The following SMARCA4 variants were observed in gnomAD, a reference collection of about 807,000 sequenced individuals.
SMARCA4 encodes the protein SWI/SNF-related matrix-associated actin-dependent regulator of chromatin subfamily A member 4.
In SMARCA4, 31 loss-of-function variants were observed where a neutral mutation model predicts 193.9. That is an observed-to-expected ratio of 0.16 (90% CI 0.12 to 0.22). The LOEUF (loss-of-function observed/expected upper bound fraction) is 0.22, where lower values mean the gene tolerates loss of function less well. Ranked by LOEUF, SMARCA4 falls within the 10% of genes least tolerant of loss-of-function variation. SMARCA4 has a pLI of 1.00. For synonymous variants in SMARCA4, 942 were observed against 933.1 expected, an observed-to-expected ratio of 1.01 and a Z score of -0.17; for missense variants, 1,148 against 2,296.0, an observed-to-expected ratio of 0.50 and a Z score of 10.22.
chr19:11,033,084 C>A lies in SMARCA4; in HGVS notation c.3547-206C>A, dbSNP rs753591520. ...GTAGAAGGTGGCACTTCTGGAGGAA[C>A]GTGATGAGAGTCCCCTTCCCCCGAG... is the stretch of plus-strand genomic sequence containing the variant. On this transcript the variant is annotated intron_variant, in intron 25 of 34. Coordinates refer to ENST00000344626, the MANE Select transcript of SMARCA4 (RefSeq NM_003072.5). The surrounding 1 kb of genome is among the most constrained non-coding windows in gnomAD (Gnocchi z 9.8). The A allele has an allele frequency of 4.6e-6, 3 of 646,678 alleles. No individual in the cohort carries two copies. Among genetic ancestry groups the A allele is most frequent in the African/African-American group, 1.8e-5 (1 of 56,088 alleles). The allele number at this position is 646,678 out of a possible 1,614,324, so 40.1% of individuals were successfully genotyped here.
intron 23 of SMARCA4, among the ~76,000 whole-genome samples, chr19:11,027,119 A>C (rs940076715): frequency 6.6e-6 from 1 of 152,218 alleles, no homozygotes; most frequent in Non-Finnish European, 1.5e-5. Context: ...TAAAGCCTCC[A>C]TTCAATTCCC....
intron 11 of SMARCA4, among the ~76,000 whole-genome samples, chr19:10,998,230 T>G (rs1424942843): frequency 6.6e-6 from 1 of 152,192 alleles, no homozygotes; most frequent in African/African-American, 2.4e-5. Flanking sequence ...TTGGTTTGTC[T>G]GATGTTCCTT....
In SMARCA4 at chr19:10,984,515, C is replaced by T; in HGVS notation, c.222+142C>T. On this transcript the variant is annotated intron_variant, in intron 2 of 34. Coordinates refer to ENST00000344626, the MANE Select transcript of SMARCA4 (RefSeq NM_003072.5). This position sits in a 1 kb window ranked among gnomAD's most constrained non-coding sequence, Gnocchi z 4.3. ...CCTGCCTTGGCTCAGCCCCCTACCC[C>T]AGGGCCCACGGCCATGAACAGAAGG... The T allele has an allele frequency of 2.1e-6, 3 of 1,427,860 alleles. No individual in the cohort carries two copies. Among genetic ancestry groups the T allele is most frequent in the Non-Finnish European group, 2.9e-6 (3 of 1,047,030 alleles). The allele number at this position is 1,427,860 out of a possible 1,614,324, so 88.4% of individuals were successfully genotyped here.
Position 10,984,363 on chromosome 19 carries a change from A to G in SMARCA4, c.212A>G (p.Gln71Arg), listed in dbSNP as rs2145726840. Residue 71 changes from glutamine (Q) to arginine (R), a missense_variant, in exon 2 of 35, where the codon CAG becomes CGG. By Grantham distance (43) the Gln-to-Arg change is conservative. Around this residue, in one of 17 missense-constraint regions of SMARCA4, gnomAD observed 201 missense variants for 248.3 expected, o/e 0.81. Transcript: ENST00000344626. The surrounding 1 kb of genome is among the most constrained non-coding windows in gnomAD (Gnocchi z 4.3). ...GGGTACCCTCAGGACAACATGCACCAGATGCACAAGGTAGGGATCCCTGTG... is the reference window on the plus strand; with the variant it reads ...GGGTACCCTCAGGACAACATGCACCGGATGCACAAGGTAGGGATCCCTGTG... The part of the protein sequence containing the change: ...PGGYPQDNMH[Q>R]MHKPMESMHE... The G allele has an allele frequency of 6.3e-7, 1 of 1,587,824 alleles. No homozygotes were observed. The highest frequency in any genetic ancestry group is 2.3e-5 in the East Asian group (1 of 43,196).
chr19:11,042,815 CAT>C, intron 30 of SMARCA4, among the ~76,000 whole-genome samples: 1 of 151,744 alleles, frequency 6.6e-6, no homozygotes, highest in African/African-American at 2.4e-5. Context: ...GGTGAAAACC[CAT>C]CTTTACTGAA....
chr19:10,971,979 G>A (rs1444013085), intron 1 of SMARCA4, among the ~76,000 whole-genome samples: 1 of 144,604 alleles, frequency 6.9e-6, no homozygotes, highest in Non-Finnish European at 1.5e-5. Flanking sequence ...TTTTTGAGAC[G>A]GAGTCTCGCT....
chr19:10,984,464 G>C lies in SMARCA4; in HGVS notation c.222+91G>C, dbSNP rs1328845236. 36 of 1,546,932 alleles carry C rather than the reference G, an allele frequency of 2.3e-5. No homozygotes were observed. The highest frequency in any genetic ancestry group is 3.1e-5 in the Non-Finnish European group (36 of 1,145,900). ...GACCGAGGGCCTTACTTGGAGGATGGGGGGAAGCCTTCTTGTTGGAGGTGT... is the reference window on the plus strand; with the variant it reads ...GACCGAGGGCCTTACTTGGAGGATGCGGGGAAGCCTTCTTGTTGGAGGTGT... On this transcript the variant is annotated intron_variant, in intron 2 of 34. Coordinates refer to ENST00000344626, the MANE Select transcript of SMARCA4 (RefSeq NM_003072.5). This position sits in a 1 kb window ranked among gnomAD's most constrained non-coding sequence, Gnocchi z 4.3.
chr19:11,002,116 T>G (rs1472065042), intron 11 of SMARCA4, among the ~76,000 whole-genome samples: 1 of 152,140 alleles, frequency 6.6e-6, no homozygotes, highest in African/African-American at 2.4e-5. Flanking sequence ...TCTGGAAGGA[T>G]GGACAGGAAA....
At position 10,989,706 on chromosome 19, in the gene SMARCA4, T is replaced by C. The variant is rs369068983; in HGVS notation, c.1245+263T>C. Reference sequence around the variant, plus strand: ...GCTTCTTTCTTCCTTTCCCTTTCCCTTTTTTTTTTTTTTTGGAAACAGTCT... The same window carrying C: ...GCTTCTTTCTTCCTTTCCCTTTCCCCTTTTTTTTTTTTTTGGAAACAGTCT... On this transcript the variant is annotated intron_variant, in intron 7 of 34. Coordinates refer to ENST00000344626, the MANE Select transcript of SMARCA4 (RefSeq NM_003072.5). Among the ~76,000 whole-genome samples, 330 of 60,890 alleles carry C rather than the reference T, an allele frequency of 5.4e-3. 3 individuals are homozygous for C. Among genetic ancestry groups the C allele is most frequent in the South Asian group, 0.046 (69 of 1,484 alleles). The allele number at this position is 60,890 out of a possible 152,430, so 39.9% of individuals were successfully genotyped here. A position where few individuals can be genotyped will look rare whatever the true frequency, so the allele number is the denominator to read the frequency against.
intron 1 of SMARCA4, among the ~76,000 whole-genome samples, chr19:10,971,573 C>A (rs957133191): frequency 6.6e-6 from 1 of 150,976 alleles, no homozygotes; most frequent in Non-Finnish European, 1.5e-5. Flanking sequence ...TAGCTCATGG[C>A]AGTCTGGACC....
intron 24 of SMARCA4, among the ~76,000 whole-genome samples, chr19:11,028,236 G>C (rs2090400155): frequency 6.6e-6 from 1 of 152,244 alleles, no homozygotes; most frequent in Admixed American, 6.5e-5. Context: ...GGAAGTGACA[G>C]AATTCCATAC....
chr19:11,041,107 G>A lies in SMARCA4; in HGVS notation c.4171-200G>A. ...AAGCTTGGGTGGGGTGCCTGCTGGG[G>A]GCAGTGCTGGTCTTTCACTGCAGCC... On this transcript the variant is annotated intron_variant, in intron 29 of 34. Transcript: ENST00000344626. The surrounding 1 kb of genome is among the most constrained non-coding windows in gnomAD (Gnocchi z 5.6). The A allele has an allele frequency of 1.7e-6, 1 of 598,642 alleles. No individual in the cohort carries two copies. The highest frequency in any genetic ancestry group is 2.9e-6 in the Non-Finnish European group (1 of 340,164). 37.1% of individuals were successfully genotyped at this position (598,642 alleles called of 1,614,324 possible). A position where few individuals can be genotyped will look rare whatever the true frequency, so the allele number is the denominator to read the frequency against.
chr19:11,013,197 C>A, intron 16 of SMARCA4, 85 bp downstream of exon 16: 1 of 1,450,958 alleles, frequency 6.9e-7, no homozygotes, highest in Non-Finnish European at 9.5e-7. Context: ...TAGAATACCA[C>A]AAACGAGGTG....
At chr19:11,061,188 T>TTAAAAAAA (rs1178420558) in intron 34 of SMARCA4, among the ~76,000 whole-genome samples, 2 of 68,860 alleles carry the variant, frequency 2.9e-5, no homozygotes, top group African/African-American at 1.7e-4. Flanking sequence ...ACCCTGTCTT[T>TTAAAAAAA]AAAAAAAAAA....
rs2146358596 is a variant in SMARCA4, at chr19:11,018,940, T to C, written c.2439-17T>C. Reference sequence around the variant, plus strand: ...ATGAGAGACCGGCACTTGACTCTCATTTCCTTGTTCCATCAGAACGCTGTC... The same window carrying C: ...ATGAGAGACCGGCACTTGACTCTCACTTCCTTGTTCCATCAGAACGCTGTC... On this transcript the variant is annotated splice_polypyrimidine_tract_variant and intron_variant, in intron 16 of 34. Transcript: ENST00000344626. The C allele has an allele frequency of 1.2e-6, 2 of 1,611,596 alleles. 1 individual carries two copies. Among genetic ancestry groups the C allele is most frequent in the South Asian group, 2.2e-5 (2 of 91,036 alleles).
intron 1 of SMARCA4, among the ~76,000 whole-genome samples, chr19:10,972,629 A>G (rs1200660708): frequency 1.3e-5 from 2 of 152,182 alleles, no homozygotes; most frequent in African/African-American, 2.4e-5. Flanking sequence ...CACGAGTGAC[A>G]CTGGGCAGGT....
intron 30 of SMARCA4, among the ~76,000 whole-genome samples, chr19:11,045,032 G>A (rs946230786): frequency 6.6e-6 from 1 of 152,176 alleles, no homozygotes; most frequent in Non-Finnish European, 1.5e-5. Context: ...ACTAAAAAGG[G>A]CATACTGGCC....
rs1060504450 is a variant in SMARCA4 at position 10,986,196 on chromosome 19, C to G, written c.363C>G (p.Pro121=). 15 of 1,613,700 alleles carry G rather than the reference C, an allele frequency of 9.3e-6. No individual in the cohort carries two copies. Among genetic ancestry groups the G allele is most frequent in the Non-Finnish European group, 1.3e-5 (15 of 1,179,936 alleles). ...GCTGACCTTTCTCTGCAGGTTACCC[C>G]TCGCCCCTGGGTGGCTCTGAGCATG... The part of the protein sequence containing the change: ...SPMDQHSQGY[P]SPLGGSEHAS... Residue 121 remains proline (P), a synonymous_variant, in exon 4 of 35, where the codon CCC becomes CCG. Coordinates refer to ENST00000344626, the MANE Select transcript of SMARCA4 (RefSeq NM_003072.5). The surrounding 1 kb of genome is among the most constrained non-coding windows in gnomAD (Gnocchi z 6.7).
chr19:11,043,183 C>T (rs931521746), intron 30 of SMARCA4, among the ~76,000 whole-genome samples: 3 of 151,728 alleles, frequency 2.0e-5, no homozygotes, highest in Non-Finnish European at 4.4e-5. Context: ...CCCAGCTACT[C>T]GGGAGGCTGA....
Sources: gnomAD v4.1 joint callset for allele counts (sites outside exome capture counted in the v4.1 genomes callset) on GRCh38, gnomAD v4.1.1 for gene constraint, gnomAD v4.1.1 regional missense constraint, Gnocchi (gnomAD v3.1) non-coding constraint, MANE v1.5 for transcripts, NCBI Gene and HGNC (gene_info 2026-07-23, HGNC 2026-07-21) for gene names.